RPS6KA2: variants seen among roughly 807,000 people sequenced by gnomAD.
RPS6KA2 encodes ribosomal protein S6 kinase alpha-2.
In RPS6KA2, 42 loss-of-function variants were observed where a neutral mutation model predicts 91.8. That is an observed-to-expected ratio of 0.46 (90% CI 0.36 to 0.59). RPS6KA2 has a LOEUF of 0.59. RPS6KA2 is among the 20% of genes least tolerant of loss of function. RPS6KA2 has a pLI of 0.00. For synonymous variants in RPS6KA2, 414 were observed against 393.6 expected (o/e 1.05, Z -0.61); for missense variants, 798 against 978.5 (o/e 0.82, Z 2.46).
At chr6:166,861,911 C>T (rs1441784146) in intron 1 of RPS6KA2, among the ~76,000 whole-genome samples, 1 of 152,222 alleles carries the variant, frequency 6.6e-6, no homozygotes, top group Non-Finnish European at 1.5e-5. Context: ...CAATGCCGTG[C>T]GTGTATACAC....
chr6:166,857,770 G>A (rs1048350352), intron 2 of RPS6KA2, among the ~76,000 whole-genome samples: 2 of 152,156 alleles, frequency 1.3e-5, no homozygotes, highest in Non-Finnish European at 2.9e-5. Flanking sequence ...GATGGAATCC[G>A]CTCTTCTCCC....
At chr6:166,466,166 G>A (rs987885205) in intron 11 of RPS6KA2, among the ~76,000 whole-genome samples, 68 of 152,194 alleles carry the variant, frequency 4.5e-4, no homozygotes, top group African/African-American at 1.6e-3. Flanking sequence ...TTGAAATCAC[G>A]CAGAAATGCC....
chr6:166,421,963 G>C (rs1029532601), intron 17 of RPS6KA2, among the ~76,000 whole-genome samples: 2 of 152,086 alleles, frequency 1.3e-5, no homozygotes, highest in African/African-American at 4.8e-5. Flanking sequence ...GCAGTGGCGT[G>C]ATCTCGGCTC....
rs1020633643 is a variant in RPS6KA2, at chr6:166,821,109, G to A, written c.123+37091C>T. Among the ~76,000 whole-genome samples the A allele has an allele frequency of 1.3e-5, 2 of 152,160 alleles. No individual in the cohort carries two copies. Among genetic ancestry groups the A allele is most frequent in the Admixed American group, 6.5e-5 (1 of 15,278 alleles). On this transcript the variant is annotated intron_variant, in intron 2 of 21. Coordinates refer to the RPS6KA2 transcript ENST00000503859. This position sits in a 1 kb window ranked among gnomAD's most constrained non-coding sequence, Gnocchi z 4.1. ...TAGGTTACCATATTTTGTATCACAC[G>A]CTAGGCACAGAGTGAGCACATAGGA...
At chr6:166,561,425 T>G (rs55731457) in intron 1 of RPS6KA2, among the ~76,000 whole-genome samples, 15 of 151,796 alleles carry the variant, frequency 9.9e-5, no homozygotes, top group Non-Finnish European at 1.9e-4. Context: ...ATGGGTTCCC[T>G]CCCTCCTATA....
At chr6:166,669,316 G>A (rs1010939410) in intron 2 of RPS6KA2, among the ~76,000 whole-genome samples, 28 of 152,176 alleles carry the variant, frequency 1.8e-4, no homozygotes, top group African/African-American at 6.0e-4. Context: ...GGTGCATGGG[G>A]CAGTGGACAT....
chr6:166,524,980 TAG>T (rs1491119546), intron 3 of RPS6KA2, among the ~76,000 whole-genome samples: 1 of 152,118 alleles, frequency 6.6e-6, no homozygotes, highest in Non-Finnish European at 1.5e-5. Context: ...CCAACCAACT[TAG>T]AGTCTCCCAG....
intron 11 of RPS6KA2, among the ~76,000 whole-genome samples, chr6:166,466,970 ATGCACTCC>A (rs1780553832): frequency 6.6e-6 from 1 of 151,472 alleles, no homozygotes; most frequent in Non-Finnish European, 1.5e-5. Context: ...TTACTCATTC[ATGCACTCC>A]CTCACTCATT....
intron 2 of RPS6KA2, among the ~76,000 whole-genome samples, chr6:166,761,377 T>G (rs1778166654): frequency 6.6e-6 from 1 of 152,228 alleles, no homozygotes; most frequent in Non-Finnish European, 1.5e-5. Context: ...GAAATCATCA[T>G]AACAATCTTG....
intron 1 of RPS6KA2, among the ~76,000 whole-genome samples, chr6:166,550,741 G>T (rs141748100): frequency 2.2e-4 from 34 of 152,214 alleles, no homozygotes; most frequent in Admixed American, 7.8e-4. Flanking sequence ...GATGGCTCAC[G>T]CCTGTAATCC....
chr6:166,736,986 G>A (rs556892273), intron 2 of RPS6KA2, among the ~76,000 whole-genome samples: 2 of 152,266 alleles, frequency 1.3e-5, no homozygotes, highest in South Asian at 4.2e-4. Flanking sequence ...CCGATGCAGG[G>A]GGTGGGGAGG....
At position 166,852,921 on chromosome 6, in the gene RPS6KA2, T is replaced by C. The variant is rs554813528; in HGVS notation, c.123+5279A>G. ...GCCAACTGATGGTGACAGCAGGAAA[T>C]GCACCTGCCCTGCCCCCTCGCCCGG... On this transcript the variant is annotated intron_variant, in intron 2 of 21. Coordinates refer to the RPS6KA2 transcript ENST00000503859. The surrounding 1 kb of genome is among the most constrained non-coding windows in gnomAD (Gnocchi z 4.1). 2.6e-5 allele frequency among the ~76,000 whole-genome samples: 4 copies of C among 152,200 alleles called. No homozygotes were observed. Among genetic ancestry groups the C allele is most frequent in the Admixed American group, 6.5e-5 (1 of 15,296 alleles).
chr6:166,800,492 G>T (rs1048514061), intron 2 of RPS6KA2, among the ~76,000 whole-genome samples: 1 of 152,222 alleles, frequency 6.6e-6, no homozygotes, highest in African/African-American at 2.4e-5. Context: ...CCATCCTTAT[G>T]AATGGGACTA....
At position 166,508,462 on chromosome 6, in the gene RPS6KA2, A is replaced by T. The variant is rs1349327128; in HGVS notation, c.380-180T>A. ...CAGCACCCGGCAGAGGGGGTCTGAC[A>T]CTGTGAGCGCTGCCCCTCTCTCACT... On this transcript the variant is annotated intron_variant, in intron 4 of 20. Transcript: ENST00000265678. The surrounding 1 kb of genome is among the most constrained non-coding windows in gnomAD (Gnocchi z 4.3). Among the ~76,000 whole-genome samples, 1 of 68,542 alleles carries T rather than the reference A, an allele frequency of 1.5e-5. No individual in the cohort carries two copies. The highest frequency in any genetic ancestry group is 1.5e-4 in the Admixed American group (1 of 6,516). The allele number at this position is 68,542 out of a possible 152,430, so 45.0% of individuals were successfully genotyped here.
In RPS6KA2 at chr6:166,758,595, A is replaced by G. The variant is rs912504162; in HGVS notation, c.123+99605T>C. On this transcript the variant is annotated intron_variant, in intron 2 of 21. Transcript: ENST00000503859. ...TTTACTGGTATAGCTTCTTGTTAAT[A>G]CATAAATAGCTTTCTCCTCTGAAAA... Among the ~76,000 whole-genome samples, 14 of 152,354 alleles carry G rather than the reference A, an allele frequency of 9.2e-5. No individual in the cohort carries two copies. The South Asian group carries it at 2.9e-3, about 32-fold the overall frequency.
At chr6:166,465,873 C>G (rs1052611288) in intron 11 of RPS6KA2, among the ~76,000 whole-genome samples, 1 of 152,196 alleles carries the variant, frequency 6.6e-6, no homozygotes, top group East Asian at 1.9e-4. Flanking sequence ...GAGCACCAAG[C>G]GTTATTTATC....
intron 2 of RPS6KA2, among the ~76,000 whole-genome samples, chr6:166,682,699 G>A (rs568912254): frequency 1.3e-5 from 2 of 152,322 alleles, no homozygotes; most frequent in East Asian, 3.9e-4. Flanking sequence ...TTGCTTCATA[G>A]CCGGGACAAG....
chr6:166,759,382 C>T (rs1001345656), intron 2 of RPS6KA2, among the ~76,000 whole-genome samples: 1 of 152,198 alleles, frequency 6.6e-6, no homozygotes, highest in African/African-American at 2.4e-5. Context: ...GAGAATAGAG[C>T]ACGGTTTGTT....
At chr6:166,816,108 A>T (rs950157990) in intron 2 of RPS6KA2, among the ~76,000 whole-genome samples, 5 of 152,176 alleles carry the variant, frequency 3.3e-5, no homozygotes, top group African/African-American at 9.7e-5. Context: ...AGCAGGTAAG[A>T]TTAGGTTTTG....
Sources: gnomAD v4.1 joint callset for allele counts (sites outside exome capture counted in the v4.1 genomes callset) on GRCh38, gnomAD v4.1.1 for gene constraint, Gnocchi (gnomAD v3.1) non-coding constraint, MANE v1.5 for transcripts, NCBI Gene and HGNC (gene_info 2026-07-23, HGNC 2026-07-21) for gene names.